Variants in KLF12 observed in about 807,000 individuals in gnomAD.
The protein encoded by KLF12 is Krueppel-like factor 12.
KLF12 carries 9 observed loss-of-function variants against 37.8 expected under a neutral mutation model. That is an observed-to-expected ratio of 0.24 (90% CI 0.14 to 0.42). The LOEUF is 0.42. Among genes scored for constraint, KLF12 ranks in the 10% least tolerant of loss-of-function variants. The pLI is 1.00. For synonymous variants in KLF12, 208 were observed against 202.1 expected, an observed-to-expected ratio of 1.03 and a Z score of -0.25; for missense variants, 411 against 516.0, an observed-to-expected ratio of 0.80 and a Z score of 1.97.
At chr13:74,171,210 A>C in the KLF12 span, among the ~76,000 whole-genome samples, 4,002 of 152,286 alleles carry the variant, frequency 0.026, 79 homozygotes, top group Middle Eastern at 0.075. Context: ...AGGGGAGTTA[A>C]GATTTTACTG....
At chr13:74,236,272 A>C in the KLF12 span, among the ~76,000 whole-genome samples, 1 of 102,788 alleles carries the variant, frequency 9.7e-6, no homozygotes, top group Non-Finnish European at 1.8e-5. Context: ...AAGGACATGA[A>C]CTCATCATTT....
chr13:74,246,936 A>G, the KLF12 span, among the ~76,000 whole-genome samples: 1 of 152,226 alleles, frequency 6.6e-6, no homozygotes, highest in Non-Finnish European at 1.5e-5. Flanking sequence ...AGAGGAATTA[A>G]CTGGTATGCT....
chr13:74,077,762 A>G (rs962254842), intron 1 of KLF12, among the ~76,000 whole-genome samples: 2 of 152,222 alleles, frequency 1.3e-5, no homozygotes, highest in Non-Finnish European at 1.5e-5. Context: ...AAAGAGAAAG[A>G]ACAAGTTCTC....
chr13:73,969,139 A>G (rs1891257030), intron 2 of KLF12, among the ~76,000 whole-genome samples: 1 of 152,312 alleles, frequency 6.6e-6, no homozygotes, highest in Non-Finnish European at 1.5e-5. Flanking sequence ...TCAGGAGGGA[A>G]GAATATCCAA....
intron 3 of KLF12, among the ~76,000 whole-genome samples, chr13:73,902,822 T>C (rs1888098057): frequency 6.6e-6 from 1 of 152,232 alleles, no homozygotes; most frequent in South Asian, 2.1e-4. Context: ...AGTTCCGTGT[T>C]ACTTTCAATA....
chr13:74,160,423 T>C, the KLF12 span, among the ~76,000 whole-genome samples: 11 of 152,214 alleles, frequency 7.2e-5, no homozygotes, highest in South Asian at 1.4e-3. Context: ...CTTTGTATAT[T>C]TTTTGTTGCA....
intron 1 of KLF12, among the ~76,000 whole-genome samples, chr13:74,025,797 A>G (rs1405104829): frequency 6.6e-6 from 1 of 152,188 alleles, no homozygotes; most frequent in African/African-American, 2.4e-5. Flanking sequence ...GACTGACTGG[A>G]TGACATTACC....
At chr13:73,899,114 G>A (rs897401458) in intron 3 of KLF12, among the ~76,000 whole-genome samples, 3 of 152,228 alleles carry the variant, frequency 2.0e-5, no homozygotes, top group Non-Finnish European at 4.4e-5. Flanking sequence ...CCCAGTTGGG[G>A]CCACCCCCCA....
intron 3 of KLF12, among the ~76,000 whole-genome samples, chr13:73,894,082 T>C (rs918480606): frequency 6.6e-6 from 1 of 152,160 alleles, no homozygotes; most frequent in Admixed American, 6.5e-5. Context: ...GGGTCCTGGA[T>C]GCCCCACTCC....
chr13:73,845,834 A>G lies in KLF12; in HGVS notation c.663T>C (p.His221=). ...CTTGTTTATGTCTCTTACCTTTGCC[A>G]TGGCCTCTCCCATCCTCCAAAAGCG... The change falls in exon 4 of 8, where the codon CAT becomes CAC. Residue 221 remains histidine (H), a synonymous_variant. Coordinates refer to ENST00000377669, the MANE Select transcript of KLF12 (RefSeq NM_007249.5). 3 of 1,612,772 alleles carry G rather than the reference A, an allele frequency of 1.9e-6. No individual in the cohort carries two copies. Among genetic ancestry groups the G allele is most frequent in the Non-Finnish European group, 2.5e-6 (3 of 1,179,100 alleles).
intron 5 of KLF12, among the ~76,000 whole-genome samples, chr13:73,780,482 T>C (rs900944914): frequency 3.3e-5 from 5 of 151,986 alleles, no homozygotes; most frequent in African/African-American, 9.7e-5. Context: ...TTTTTTTTTT[T>C]TTTCTTTTTT....
chr13:74,194,743 G>GA, the KLF12 span, among the ~76,000 whole-genome samples: 171 of 152,030 alleles, frequency 1.1e-3, no homozygotes, highest in Non-Finnish European at 1.7e-3. Context: ...TTAGTGATAG[G>GA]AAAAAAACAA....
intron 5 of KLF12, among the ~76,000 whole-genome samples, chr13:73,808,405 T>C (rs181750411): frequency 2.6e-4 from 40 of 152,280 alleles, no homozygotes; most frequent in African/African-American, 8.9e-4. Context: ...AGTTAATTAA[T>C]GAAAATGGTT....
chr13:74,151,566 T>C, the KLF12 span, among the ~76,000 whole-genome samples: 1 of 151,954 alleles, frequency 6.6e-6, no homozygotes, highest in Admixed American at 6.6e-5. Context: ...GGCAGGAGAA[T>C]TGCTTGAGCC....
At chr13:73,856,424 G>C (rs1323532905) in intron 3 of KLF12, among the ~76,000 whole-genome samples, 5 of 152,188 alleles carry the variant, frequency 3.3e-5, no homozygotes, top group Admixed American at 3.3e-4. Flanking sequence ...CGCGTTTTAA[G>C]GAATCCTGTT....
At chr13:73,836,841 C>A (rs1354015191) in intron 4 of KLF12, among the ~76,000 whole-genome samples, 1 of 152,084 alleles carries the variant, frequency 6.6e-6, no homozygotes, top group South Asian at 2.1e-4. Context: ...AATACTTTAC[C>A]AGTAAAATGT....
At chr13:74,208,754 T>C in the KLF12 span, among the ~76,000 whole-genome samples, 1 of 152,062 alleles carries the variant, frequency 6.6e-6, no homozygotes, top group Admixed American at 6.6e-5. Context: ...ATGGGAGGAC[T>C]GTTTGAGGCC....
chr13:74,136,672 G>A (rs547041973), upstream of KLF12, among the ~76,000 whole-genome samples: 164 of 152,168 alleles, frequency 1.1e-3, 1 homozygote, highest in Non-Finnish European at 1.5e-3. Flanking sequence ...GGGCTTGTTA[G>A]GAGAGTGATG....
chr13:74,088,791 G>A (rs2138804680), intron 1 of KLF12, among the ~76,000 whole-genome samples: 1 of 152,248 alleles, frequency 6.6e-6, no homozygotes, highest in East Asian at 1.9e-4. Flanking sequence ...TTTTTACAGG[G>A]CTTTCATGAT....
Sources: allele counts gnomAD v4.1 joint callset (sites outside exome capture counted in the v4.1 genomes callset), GRCh38; gene constraint gnomAD v4.1.1; transcripts MANE v1.5; gene names NCBI Gene and HGNC (gene_info 2026-07-23, HGNC 2026-07-21).